The following CFAP46 variants were observed in gnomAD, a reference collection of about 807,000 sequenced individuals.
CFAP46 encodes the protein cilia- and flagella-associated protein 46.
In CFAP46, 245 loss-of-function variants were observed where a neutral mutation model predicts 325.7. That is an observed-to-expected ratio of 0.75 (90% CI 0.68 to 0.84). The LOEUF (loss-of-function observed/expected upper bound fraction) is 0.84. CFAP46 is among the 40% of genes least tolerant of loss of function. CFAP46 has a pLI of 0.00. For synonymous variants in CFAP46, 1,523 were observed against 1,495.9 expected (o/e 1.02, Z -0.42); for missense variants, 3,346 against 3,543.0 (o/e 0.94, Z 1.41).
intron 56 of CFAP46, chr10:132,810,746 C>A (rs527801754): frequency 3.0e-5 from 22 of 727,550 alleles, no homozygotes; most frequent in Non-Finnish European, 5.5e-5. Context: ...CTCCCGTGGG[C>A]TGGTGCCAGG....
Position 132,808,648 on chromosome 10 carries a change from G to A in CFAP46, c.7921C>T (p.Pro2641Ser), listed in dbSNP as rs778475777. ...CTGGCTGAGGCTGCACCAAGGGCTG[G>A]GGAGAGGCCCAGGAAGGGGAGAGCG... is the stretch of plus-strand genomic sequence containing the variant. ...QLALPFLGLS[P>S]ALGAASARDP... Residue 2641 changes from proline (P) to serine (S), a missense_variant, in exon 58 of 58, where the codon CCA becomes TCA. By Grantham distance (74) the Pro-to-Ser change is moderately conservative (BLOSUM62 -1). Coordinates refer to ENST00000368586, the MANE Select transcript of CFAP46 (RefSeq NM_001200049.3). This position sits in a 1 kb window ranked among gnomAD's most constrained non-coding sequence, Gnocchi z 6.8. 2 of 1,600,736 alleles carry A rather than the reference G, an allele frequency of 1.2e-6. No individual in the cohort carries two copies. Among genetic ancestry groups the A allele is most frequent in the Non-Finnish European group, 1.7e-6 (2 of 1,173,736 alleles).
chr10:132,836,270 C>T lies in CFAP46; in HGVS notation c.6537-52G>A, dbSNP rs752788218. The T allele has an allele frequency of 5.3e-5, 83 of 1,554,262 alleles. 1 individual carries two copies. The highest frequency in any genetic ancestry group is 4.5e-4 in the South Asian group (40 of 89,626). ...GCAGGCAAGCCATGAAGGAAACACA[C>T]CTCACAGCCCAGCTCCAGCGACCTC... On this transcript the variant is annotated intron_variant, in intron 45 of 57. Transcript: ENST00000368586.
In CFAP46 at chr10:132,876,232, G is replaced by A. The variant is rs543434072; in HGVS notation, c.4362+580C>T. On this transcript the variant is annotated intron_variant, in intron 31 of 57. Transcript: ENST00000368586. This position sits in a 1 kb window ranked among gnomAD's most constrained non-coding sequence, Gnocchi z 4.1. ...TGCGCAGGGCCACTCTACCCACAGC[G>A]GGCACGGCAGTGAACTGAATGACCA... Among the ~76,000 whole-genome samples the A allele has an allele frequency of 1.4e-4, 21 of 152,382 alleles. No individual in the cohort carries two copies. In the East Asian group the frequency reaches 1.5e-3, roughly 11 times the overall value.
rs566876852 is a variant in CFAP46 at position 132,877,944 on chromosome 10, A to C, written c.4149T>G (p.Asn1383Lys). The C allele has an allele frequency of 1.7e-4, 271 of 1,548,676 alleles. No homozygotes were observed. Among genetic ancestry groups the C allele is most frequent in the Non-Finnish European group, 2.2e-4 (247 of 1,146,298 alleles). ...CCTTGTCCTTCTCTTTACTCCTCTC[A>C]TTCTCCTTCTCTTTACTCCTCTCCT... ...KEKERSKEKE[N>K]ERSKEKDKEK... is the part of the protein sequence containing the mutation. Residue 1383 changes from asparagine (N) to lysine (K), a missense_variant, in exon 30 of 58, where the codon AAT (asparagine) becomes AAG (lysine). By Grantham distance (94) the Asn-to-Lys change is moderately conservative. Transcript: ENST00000368586. This position sits in a 1 kb window ranked among gnomAD's most constrained non-coding sequence, Gnocchi z 5.7.
chr10:132,821,023 CTG>C (rs1256619793), intron 50 of CFAP46, among the ~76,000 whole-genome samples: 1 of 92,536 alleles, frequency 1.1e-5, no homozygotes, highest in Non-Finnish European at 2.0e-5. Context: ...GTGCTGTGTG[CTG>C]TGTGTGTGCT....
rs1285903893 is a variant in CFAP46, at chr10:132,810,470, C to G, written c.7603G>C (p.Ala2535Pro). The G allele has an allele frequency of 6.2e-7, 1 of 1,613,636 alleles. No homozygotes were observed. The highest frequency in any genetic ancestry group is 8.5e-7 in the Non-Finnish European group (1 of 1,179,954). Reference sequence around the variant, plus strand: ...GGAGACGCACTGTTTCTCCAATTGGCTTCCCAACGGCCAACAGATCTAGGG... The same window carrying G: ...GGAGACGCACTGTTTCTCCAATTGGGTTCCCAACGGCCAACAGATCTAGGG... ...EHRRSVGRWEANWRNSASPSE... is the reference protein window; with the variant it reads ...EHRRSVGRWEPNWRNSASPSE... Residue 2535 changes from alanine (A) to proline (P), a missense_variant, in exon 57 of 58, where the codon GCC becomes CCC. Transcript: ENST00000368586.
chr10:132,919,721 G>C lies in CFAP46; in HGVS notation c.1731-279C>G, dbSNP rs1280427725. 1.3e-5 allele frequency among the ~76,000 whole-genome samples: 2 copies of C among 152,016 alleles called. No homozygotes were observed. The highest frequency in any genetic ancestry group is 2.9e-5 in the Non-Finnish European group (2 of 67,974). On this transcript the variant is annotated intron_variant, in intron 14 of 57. Coordinates refer to ENST00000368586, the MANE Select transcript of CFAP46 (RefSeq NM_001200049.3). The surrounding 1 kb of genome is among the most constrained non-coding windows in gnomAD (Gnocchi z 9.7). Reference sequence around the variant, plus strand: ...AATCCACTCCCCGGGGGAGTGCACGGGACAGGCCTCCCGGGGATGGTACCG... The same window carrying C: ...AATCCACTCCCCGGGGGAGTGCACGCGACAGGCCTCCCGGGGATGGTACCG...
intron 50 of CFAP46, among the ~76,000 whole-genome samples, chr10:132,824,216 G>GC (rs1167437543): frequency 9.1e-5 from 13 of 143,274 alleles, no homozygotes; most frequent in African/African-American, 3.5e-4. Flanking sequence ...TGTGCTGTGT[G>GC]TGCTGTGTGT....
intron 49 of CFAP46, among the ~76,000 whole-genome samples, chr10:132,833,778 G>A (rs997929486): frequency 2.6e-5 from 4 of 152,208 alleles, no homozygotes; most frequent in Non-Finnish European, 4.4e-5. Context: ...CCACCCACGC[G>A]AAGGTGGCTG....
intron 22 of CFAP46, among the ~76,000 whole-genome samples, chr10:132,902,129 G>A (rs1849399247): frequency 6.6e-6 from 1 of 152,170 alleles, no homozygotes; most frequent in African/African-American, 2.4e-5. Context: ...GGATCTCCAG[G>A]TTGATATTTT....
chr10:132,843,405 G>A (rs976147169), intron 44 of CFAP46, among the ~76,000 whole-genome samples: 7 of 148,354 alleles, frequency 4.7e-5, no homozygotes, highest in African/African-American at 1.0e-4. Context: ...CTCTGGTCTC[G>A]GTGGGTGTTC....
In CFAP46 at chr10:132,876,911, T is replaced by C; in HGVS notation, c.4263A>G (p.Ile1421Met). Residue 1421 changes from isoleucine to methionine, a missense_variant, in exon 31 of 58, where the codon ATA becomes ATG. Physicochemically the swap from Ile to Met is conservative, Grantham distance 10 (BLOSUM62 1). Coordinates refer to ENST00000368586, the MANE Select transcript of CFAP46 (RefSeq NM_001200049.3). This position sits in a 1 kb window ranked among gnomAD's most constrained non-coding sequence, Gnocchi z 4.1. The stretch of plus-strand genomic sequence containing the variant: ...GGCAGGAGTAGGAAGCCCACTCTTC[T>C]ATGCTCATGGGTAAGTCTTCCAGTT... Reference protein sequence around the residue: ...IKQLEDLPMSIEEWASYSCPE... With the variant: ...IKQLEDLPMSMEEWASYSCPE... The C allele has an allele frequency of 1.3e-6, 2 of 1,550,594 alleles. No homozygotes were observed. The highest frequency in any genetic ancestry group is 1.2e-5 in the South Asian group (1 of 84,060).
intron 17 of CFAP46, among the ~76,000 whole-genome samples, chr10:132,914,772 C>T (rs1226345954): frequency 2.5e-5 from 3 of 120,690 alleles, no homozygotes; most frequent in Admixed American, 8.2e-5. Flanking sequence ...CTGTGTCCAG[C>T]CACACTGCAC....
At chr10:132,821,420 CGCTGATGTGTGCTGTGTGAGT>C (rs1847822058) in intron 50 of CFAP46, among the ~76,000 whole-genome samples, 3 of 81,726 alleles carry the variant, frequency 3.7e-5, no homozygotes, top group East Asian at 4.3e-4. Context: ...GCTGTGTGAG[CGCTGATGTGTGCTGTGTGAGT>C]GCTGATGTGT....
At chr10:132,811,659 C>T (rs1010859657) in intron 55 of CFAP46, among the ~76,000 whole-genome samples, 5 of 152,158 alleles carry the variant, frequency 3.3e-5, no homozygotes, top group African/African-American at 1.2e-4. Context: ...TGCGTGAGGC[C>T]GAGGCTGCTG....
At chr10:132,833,226 T>TA (rs968521547) in intron 50 of CFAP46, 132 bp downstream of exon 50, 2 of 916,798 alleles carry the variant, frequency 2.2e-6, no homozygotes, top group African/African-American at 3.4e-5. Flanking sequence ...TTTGAATGAA[T>TA]AAATGCCTAG....
At chr10:132,923,471 G>A (rs1477792654) in intron 11 of CFAP46, among the ~76,000 whole-genome samples, 4 of 146,494 alleles carry the variant, frequency 2.7e-5, no homozygotes, top group Non-Finnish European at 6.0e-5. Context: ...GAGCAGCCAT[G>A]TGGGGGTGCC....
intron 9 of CFAP46, among the ~76,000 whole-genome samples, chr10:132,928,940 T>C (rs1367687702): frequency 1.3e-5 from 2 of 152,170 alleles, no homozygotes; most frequent in East Asian, 1.9e-4. Flanking sequence ...TCCCTAGTCA[T>C]TTCATGTAAA....
intron 22 of CFAP46, among the ~76,000 whole-genome samples, chr10:132,902,432 T>C (rs1849404213): frequency 6.6e-6 from 1 of 152,236 alleles, no homozygotes; most frequent in African/African-American, 2.4e-5. Flanking sequence ...ACTCTTCCAG[T>C]GGCGTTTGCA....
Sources: allele counts gnomAD v4.1 joint callset (sites outside exome capture counted in the v4.1 genomes callset), GRCh38; gene constraint gnomAD v4.1.1; non-coding constraint Gnocchi (gnomAD v3.1); transcripts MANE v1.5; gene names NCBI Gene and HGNC (gene_info 2026-07-23, HGNC 2026-07-21).